Variants in RPH3A observed in about 807,000 individuals in gnomAD.
RPH3A encodes the protein rabphilin 3A.
Under a neutral mutation model 102.2 loss-of-function variants are expected in RPH3A, and 48 were observed. That is an observed-to-expected ratio of 0.47 (90% confidence interval 0.37 to 0.60). RPH3A has a LOEUF of 0.60. Among genes scored for constraint, RPH3A ranks in the 20% least tolerant of loss-of-function variants. The probability of loss-of-function intolerance (pLI) is 0.00; values close to 1 mark genes in which losing one functional copy is unlikely to be tolerated. For missense variants in RPH3A, 781 were observed against 910.1 expected (o/e 0.86, Z 1.83); for synonymous variants, 310 against 324.3 (o/e 0.96, Z 0.47).
chr12:112,756,611 A>T (rs1245793903), intron 1 of RPH3A, among the ~76,000 whole-genome samples: 2 of 152,200 alleles, frequency 1.3e-5, no homozygotes, highest in Non-Finnish European at 2.9e-5. Flanking sequence ...AAAAGCAAAA[A>T]ACTCTATAGA....
chr12:112,862,013 A>AAAC (rs2042525769), intron 5 of RPH3A, among the ~76,000 whole-genome samples: 1 of 41,098 alleles, frequency 2.4e-5, no homozygotes, highest in Non-Finnish European at 4.2e-5. Flanking sequence ...ACTCCGTCTC[A>AAAC]AAAAAAAAAA....
intron 4 of RPH3A, among the ~76,000 whole-genome samples, chr12:112,846,635 G>C (rs141089554): frequency 5.3e-5 from 8 of 152,238 alleles, no homozygotes; most frequent in Non-Finnish European, 1.2e-4. Context: ...GGCGGCTAAT[G>C]GGGGGCAGGC....
At chr12:112,649,241 C>T (rs761063859) in intron 1 of RPH3A, among the ~76,000 whole-genome samples, 3 of 152,216 alleles carry the variant, frequency 2.0e-5, no homozygotes, top group Admixed American at 2.0e-4. Context: ...TGGAAAAGTT[C>T]GTGTCCATTC....
At chr12:112,856,266 A>G (rs1443258156) in intron 5 of RPH3A, among the ~76,000 whole-genome samples, 1 of 152,198 alleles carries the variant, frequency 6.6e-6, no homozygotes, top group Non-Finnish European at 1.5e-5. Flanking sequence ...GCAGTACGGG[A>G]AAGGTCAAAA....
chr12:112,599,802 C>A (rs1592900838), intron 1 of RPH3A, among the ~76,000 whole-genome samples: 1 of 152,182 alleles, frequency 6.6e-6, no homozygotes, highest in Admixed American at 6.6e-5. Flanking sequence ...GTTTCTTAAA[C>A]TTTCTTAGGG....
chr12:112,842,831 T>G (rs1167226797), intron 4 of RPH3A, among the ~76,000 whole-genome samples: 1 of 152,238 alleles, frequency 6.6e-6, no homozygotes, highest in Non-Finnish European at 1.5e-5. Flanking sequence ...ACTTTCACAT[T>G]TAATCTTCCC....
intron 1 of RPH3A, among the ~76,000 whole-genome samples, chr12:112,627,746 C>G (rs2135984020): frequency 6.6e-6 from 1 of 152,090 alleles, no homozygotes; most frequent in East Asian, 1.9e-4. Flanking sequence ...GGTATGTCTG[C>G]TATTTTAGGG....
chr12:112,708,823 C>G (rs1054052963), intron 1 of RPH3A, among the ~76,000 whole-genome samples: 1 of 152,142 alleles, frequency 6.6e-6, no homozygotes, highest in African/African-American at 2.4e-5. Flanking sequence ...GGAAGTCCCA[C>G]GGGCAAGTTT....
At chr12:112,753,762 T>G (rs1167907585) in intron 1 of RPH3A, among the ~76,000 whole-genome samples, 1 of 152,166 alleles carries the variant, frequency 6.6e-6, no homozygotes, top group African/African-American at 2.4e-5. Flanking sequence ...CTAGTTATGA[T>G]TGGCTGAACA....
At chr12:112,611,492 A>G (rs2039638417) in intron 1 of RPH3A, among the ~76,000 whole-genome samples, 2 of 152,052 alleles carry the variant, frequency 1.3e-5, no homozygotes, top group Non-Finnish European at 2.9e-5. Context: ...TTTCGGGAGT[A>G]CAATGGCACA....
chr12:112,868,016 A>T (rs2042640711), intron 7 of RPH3A: 1 of 167,158 alleles, frequency 6.0e-6, no homozygotes, highest in African/African-American at 2.4e-5. Context: ...CCACAGGGCC[A>T]GGAGAAAGGC....
chr12:112,730,488 GCTGGAAAAC>G, intron 1 of RPH3A, among the ~76,000 whole-genome samples: 1 of 152,320 alleles, frequency 6.6e-6, no homozygotes. Context: ...TCAGCCCAAT[GCTGGAAAAC>G]CTCCAGGGAC....
chr12:112,803,314 T>C (rs1027616854), intron 2 of RPH3A, among the ~76,000 whole-genome samples: 10 of 151,752 alleles, frequency 6.6e-5, no homozygotes, highest in African/African-American at 2.4e-4. Flanking sequence ...ATCCTCTCCC[T>C]TTCTCCCAGA....
intron 1 of RPH3A, among the ~76,000 whole-genome samples, chr12:112,729,369 A>G (rs1422711801): frequency 6.6e-6 from 1 of 152,150 alleles, no homozygotes; most frequent in Non-Finnish European, 1.5e-5. Context: ...ATTTTTTTGT[A>G]GAGACAGGGT....
chr12:112,634,262 G>T (rs77300555), intron 1 of RPH3A, among the ~76,000 whole-genome samples: 677 of 22,120 alleles, frequency 0.031, 36 homozygotes, highest in African/African-American at 0.046. Context: ...GCAGGAGAAT[G>T]GCGTGAACCC....
At chr12:112,705,142 C>T (rs1024471775) in intron 1 of RPH3A, among the ~76,000 whole-genome samples, 1 of 152,098 alleles carries the variant, frequency 6.6e-6, no homozygotes, top group African/African-American at 2.4e-5. Flanking sequence ...GTCCATATGC[C>T]AGCCAGTTAA....
At chr12:112,712,728 T>TG (rs1375046410) in intron 1 of RPH3A, among the ~76,000 whole-genome samples, 4 of 152,000 alleles carry the variant, frequency 2.6e-5, no homozygotes, top group African/African-American at 9.7e-5. Flanking sequence ...TGTTTTGTTT[T>TG]TGAGACAGGG....
At chr12:112,717,461 A>T (rs1380180158) in intron 1 of RPH3A, among the ~76,000 whole-genome samples, 7 of 152,056 alleles carry the variant, frequency 4.6e-5, no homozygotes, top group Non-Finnish European at 5.9e-5. Context: ...TTTTAATTAT[A>T]TATACTTTCT....
Position 112,865,512 on chromosome 12 carries a change from C to T in RPH3A, c.329C>T (p.Ser110Phe), listed in dbSNP as rs770558677. ...LCGEQLGMLG[S>F]ACVVCEDCKK... Reference sequence around the variant, plus strand: ...GGAGAACAGCTGGGGATGCTGGGCTCTGCCTGTGTAGTATGTGAGGACTGT... The same window carrying T: ...GGAGAACAGCTGGGGATGCTGGGCTTTGCCTGTGTAGTATGTGAGGACTGT... Residue 110 changes from serine (S) to phenylalanine (F), a missense_variant, in exon 6 of 22, where the codon TCT (serine) becomes TTT (phenylalanine). This residue lies in a region of RPH3A where 730 missense variants were observed against 810.0 expected (regional missense o/e 0.90). Transcript: ENST00000389385. The T allele has an allele frequency of 1.2e-6, 2 of 1,613,970 alleles. No individual in the cohort carries two copies. The highest frequency in any genetic ancestry group is 1.1e-5 in the South Asian group (1 of 91,044).
Sources: allele counts gnomAD v4.1 joint callset (sites outside exome capture counted in the v4.1 genomes callset), GRCh38; gene constraint gnomAD v4.1.1; regional missense constraint gnomAD v4.1.1; transcripts MANE v1.5; gene names NCBI Gene and HGNC (gene_info 2026-07-23, HGNC 2026-07-21).